Variants in CTNNA3 observed in about 807,000 individuals in gnomAD.
The protein encoded by CTNNA3 is catenin alpha 3.
Under a neutral mutation model 95.7 loss-of-function variants are expected in CTNNA3, and 76 were observed. The ratio of observed to expected loss-of-function variants is 0.79; its 90% CI spans 0.66 to 0.96. The LOEUF is 0.96. Ranked by LOEUF, CTNNA3 falls within the 40% of genes least tolerant of loss-of-function variation. The probability of loss-of-function intolerance (pLI) is 0.00; values close to 1 mark genes in which losing one functional copy is unlikely to be tolerated. For missense variants in CTNNA3, 1,191 were observed against 1,089.8 expected, an observed-to-expected ratio of 1.09 and a Z score of -1.31; for synonymous variants, 431 against 374.4, an observed-to-expected ratio of 1.15 and a Z score of -1.74.
intron 10 of CTNNA3, among the ~76,000 whole-genome samples, chr10:66,613,345 A>T (rs902405756): frequency 4.0e-5 from 6 of 151,808 alleles, no homozygotes; most frequent in African/African-American, 1.5e-4. Flanking sequence ...TCCACTGAGT[A>T]CCCCCTAAAT....
chr10:67,440,730 C>A (rs1280218944), intron 5 of CTNNA3, among the ~76,000 whole-genome samples: 3 of 151,886 alleles, frequency 2.0e-5, no homozygotes, highest in African/African-American at 7.3e-5. Context: ...TATACAAGAC[C>A]ACCAAGACTG....
At chr10:65,987,509 T>C (rs562228758) in intron 16 of CTNNA3, among the ~76,000 whole-genome samples, 1 of 152,084 alleles carries the variant, frequency 6.6e-6, no homozygotes, top group Admixed American at 6.5e-5. Flanking sequence ...ATTGCTATAA[T>C]TGAAAGAACA....
chr10:67,746,956 T>A (rs1841377848), intron 1 of CTNNA3, among the ~76,000 whole-genome samples: 1 of 152,304 alleles, frequency 6.6e-6, no homozygotes, highest in Admixed American at 6.5e-5. Context: ...CTGGGGAAAC[T>A]GGATGGCTTG....
At chr10:66,844,675 A>G (rs140508039) in intron 7 of CTNNA3, among the ~76,000 whole-genome samples, 1,851 of 152,288 alleles carry the variant, frequency 0.012, 100 homozygotes, top group Admixed American at 0.084. Flanking sequence ...CATGAATCAA[A>G]CCATGTGTGT....
At chr10:66,006,430 C>T (rs1006569448) in intron 15 of CTNNA3, among the ~76,000 whole-genome samples, 1 of 151,972 alleles carries the variant, frequency 6.6e-6, no homozygotes, top group Admixed American at 6.6e-5. Flanking sequence ...TCGTTGACAC[C>T]CTCTCTGGAC....
At chr10:67,502,395 G>A (rs1469571522) in intron 5 of CTNNA3, among the ~76,000 whole-genome samples, 1 of 152,150 alleles carries the variant, frequency 6.6e-6, no homozygotes, top group South Asian at 2.1e-4. Flanking sequence ...TTCTGTATGA[G>A]GTGTCTGTCA....
chr10:66,137,414 T>C (rs1033586141), intron 13 of CTNNA3, among the ~76,000 whole-genome samples: 1 of 152,094 alleles, frequency 6.6e-6, no homozygotes, highest in African/African-American at 2.4e-5. Context: ...AGGAGGACTG[T>C]TCTGGATTAA....
chr10:66,028,824 A>G (rs1224276526), intron 15 of CTNNA3, among the ~76,000 whole-genome samples: 1 of 152,176 alleles, frequency 6.6e-6, no homozygotes, highest in Non-Finnish European at 1.5e-5. Flanking sequence ...AAACCCAAAT[A>G]AAATTCTCCA....
At chr10:67,386,962 C>T (rs183790495) in intron 5 of CTNNA3, among the ~76,000 whole-genome samples, 2 of 152,274 alleles carry the variant, frequency 1.3e-5, no homozygotes, top group African/African-American at 2.4e-5. Context: ...TTGTTAAGAC[C>T]TCATTCCAAA....
chr10:66,770,063 C>T (rs536527833), intron 8 of CTNNA3, among the ~76,000 whole-genome samples: 1 of 152,170 alleles, frequency 6.6e-6, no homozygotes, highest in Non-Finnish European at 1.5e-5. Flanking sequence ...TAATTATACT[C>T]TACTACCTTG....
At chr10:66,003,910 T>C (rs1268561597) in intron 15 of CTNNA3, among the ~76,000 whole-genome samples, 3 of 152,216 alleles carry the variant, frequency 2.0e-5, no homozygotes, top group African/African-American at 7.2e-5. Flanking sequence ...ATTCACAGCA[T>C]GGACATGCCC....
intron 13 of CTNNA3, among the ~76,000 whole-genome samples, chr10:66,241,721 G>A (rs1315782203): frequency 1.3e-5 from 2 of 150,320 alleles, no homozygotes; most frequent in East Asian, 2.0e-4. Context: ...AATACCAGAG[G>A]TTGCCAAATA....
At chr10:67,712,468 T>G (rs1310911374) in intron 1 of CTNNA3, among the ~76,000 whole-genome samples, 1 of 152,228 alleles carries the variant, frequency 6.6e-6, no homozygotes, top group African/African-American at 2.4e-5. Context: ...TTTCATGGGC[T>G]GGGCCCAGGG....
chr10:66,469,346 G>A (rs1410213368), intron 11 of CTNNA3, among the ~76,000 whole-genome samples: 1 of 151,896 alleles, frequency 6.6e-6, no homozygotes, highest in African/African-American at 2.4e-5. Context: ...AGATATCTGA[G>A]ACAAAGGGTA....
chr10:67,660,089 T>C (rs1037426234), intron 1 of CTNNA3, among the ~76,000 whole-genome samples: 1 of 152,212 alleles, frequency 6.6e-6, no homozygotes, highest in African/African-American at 2.4e-5. Context: ...GCTTCTTCTG[T>C]GTCTCCTAGT....
intron 17 of CTNNA3, among the ~76,000 whole-genome samples, chr10:65,944,854 G>GCCTATCTATCTA (rs369542010): frequency 6.9e-6 from 1 of 144,852 alleles, no homozygotes; most frequent in African/African-American, 2.7e-5. Flanking sequence ...GAAAATATCT[G>GCCTATCTATCTA]TCTATCTATC....
At chr10:66,279,918 T>G (rs1405734947) in intron 13 of CTNNA3, among the ~76,000 whole-genome samples, 3 of 151,992 alleles carry the variant, frequency 2.0e-5, no homozygotes, top group Non-Finnish European at 4.4e-5. Flanking sequence ...CAAATTGTGC[T>G]CTCACGCCTG....
rs10639825 is a variant in CTNNA3, at chr10:66,667,190, A to ATTT, written c.1282-45409_1282-45407dup. On this transcript the variant is annotated intron_variant, in intron 9 of 17. Coordinates refer to ENST00000433211, the MANE Select transcript of CTNNA3 (RefSeq NM_013266.4). ...ATTGGTTTGTTTTTGAAGAGTAGTA[A>ATTT]TTTTTTTTTTGCCTAATTTTGTTAC... Among the ~76,000 whole-genome samples the ATTT allele has an allele frequency of 5.8e-3, 874 of 150,596 alleles. 7 individuals are homozygous for ATTT. The highest frequency in any genetic ancestry group is 0.034 in the Middle Eastern group (10 of 290).
intron 7 of CTNNA3, among the ~76,000 whole-genome samples, chr10:67,093,547 G>A (rs1165314863): frequency 1.3e-5 from 2 of 151,730 alleles, no homozygotes; most frequent in Non-Finnish European, 2.9e-5. Flanking sequence ...TGACAGGAAG[G>A]GATCTACAAG....
Sources: gnomAD v4.1 joint callset for allele counts (sites outside exome capture counted in the v4.1 genomes callset) on GRCh38, gnomAD v4.1.1 for gene constraint, MANE v1.5 for transcripts, NCBI Gene and HGNC (gene_info 2026-07-23, HGNC 2026-07-21) for gene names.